The following LDHB variants were observed in gnomAD, a reference collection of about 807,000 sequenced individuals.
LDHB encodes the protein L-lactate dehydrogenase B chain.
A neutral mutation model predicts 33.4 loss-of-function variants in LDHB; 18 were observed. The observed-to-expected ratio is 0.54, with a 90% CI of 0.37 to 0.80. LDHB has a LOEUF of 0.80. Ranked by LOEUF, LDHB falls within the 30% of genes least tolerant of loss-of-function variation. The probability of loss-of-function intolerance (pLI) is 0.00; values close to 1 mark genes in which losing one functional copy is unlikely to be tolerated. For missense variants in LDHB, 345 were observed against 407.9 expected (o/e 0.85, Z 1.33); for synonymous variants, 121 against 140.6 (o/e 0.86, Z 0.98).
chr12:21,657,629 A>C (rs1160531529), intron 1 of LDHB, 122 bp downstream of exon 1: 2 of 152,428 alleles, frequency 1.3e-5, no homozygotes, highest in Non-Finnish European at 2.9e-5. Flanking sequence ...CTCAGAGCTA[A>C]AGGCCGCGGA....
chr12:21,638,475 TTAA>T lies in LDHB; in HGVS notation c.596-8_596-6del. 3 of 1,383,078 alleles carry T rather than the reference TTAA, an allele frequency of 2.2e-6. No individual in the cohort carries two copies. The highest frequency in any genetic ancestry group is 1.9e-6 in the Non-Finnish European group (2 of 1,031,350). The allele number at this position is 1,383,078 out of a possible 1,614,324, so 85.7% of individuals were successfully genotyped here. ...TCACACCACTCCACACAGCCACTGT[TTAA>T]AAAAAAAAAAAAAGACATTGCAGTT... On this transcript the variant is annotated splice_region_variant and splice_polypyrimidine_tract_variant and intron_variant, in intron 5 of 7. Transcript: ENST00000350669.
At chr12:21,645,608 T>C (rs1591831557) in intron 3 of LDHB, among the ~76,000 whole-genome samples, 1 of 152,224 alleles carries the variant, frequency 6.6e-6, no homozygotes, top group Non-Finnish European at 1.5e-5. Flanking sequence ...TTTATGTATA[T>C]GCACATCAAA....
intron 1 of LDHB, chr12:21,657,377 C>G (rs553299046): frequency 4.6e-5 from 7 of 152,320 alleles, no homozygotes; most frequent in Non-Finnish European, 8.8e-5. Flanking sequence ...TCATAGGCCA[C>G]CTGGTTCCGT....
At chr12:21,646,073 T>C (rs760850657) in intron 3 of LDHB, among the ~76,000 whole-genome samples, 10 of 152,100 alleles carry the variant, frequency 6.6e-5, no homozygotes, top group Non-Finnish European at 1.3e-4. Flanking sequence ...GATACTTGAG[T>C]TTAACCTTAA....
chr12:21,644,445 AC>A lies in LDHB; in HGVS notation c.248-338del, dbSNP rs1376174857. Among the ~76,000 whole-genome samples, 384 of 112,476 alleles carry A rather than the reference AC, an allele frequency of 3.4e-3. 7 individuals carry two copies. The highest frequency in any genetic ancestry group is 0.01 in the African/African-American group (284 of 28,088). The allele number at this position is 112,476 out of a possible 152,430, so 73.8% of individuals were successfully genotyped here. The stretch of plus-strand genomic sequence containing the variant: ...ACATCAAAAAAAAAAAAAAAAAAAA[AC>A]AAAAACAAAAACCAATTTTAAGTTA... On this transcript the variant is annotated intron_variant, in intron 3 of 7. Coordinates refer to ENST00000350669, the MANE Select transcript of LDHB (RefSeq NM_002300.8).
At chr12:21,650,993 T>C (rs930482490) in intron 2 of LDHB, among the ~76,000 whole-genome samples, 2 of 152,244 alleles carry the variant, frequency 1.3e-5, no homozygotes, top group African/African-American at 4.8e-5. Context: ...TGAAAAGGCA[T>C]GCATTTGCAG....
chr12:21,646,493 C>T (rs1938530611), intron 3 of LDHB, among the ~76,000 whole-genome samples: 1 of 152,064 alleles, frequency 6.6e-6, no homozygotes, highest in Non-Finnish European at 1.5e-5. Flanking sequence ...ATAGAAGAAA[C>T]GTGGTAAAAT....
chr12:21,648,445 C>T (rs962378174), intron 2 of LDHB, among the ~76,000 whole-genome samples: 37 of 151,938 alleles, frequency 2.4e-4, no homozygotes, highest in African/African-American at 8.7e-4. Flanking sequence ...AAAAAAAAAT[C>T]TGCCTGTAAG....
At chr12:21,636,743 G>C (rs1938228352) in intron 7 of LDHB, among the ~76,000 whole-genome samples, 2 of 152,076 alleles carry the variant, frequency 1.3e-5, no homozygotes, top group African/African-American at 4.8e-5. Context: ...AGGCAATCTA[G>C]AGTTTAGTAC....
intron 1 of LDHB, chr12:21,657,075 A>G (rs1938870856): frequency 6.6e-6 from 1 of 152,110 alleles, no homozygotes. Context: ...GGGCATGCAG[A>G]AGCTAGAGAT....
Position 21,638,463 on chromosome 12 carries a change from C to A in LDHB, c.603G>T (p.Val201=). The A allele has an allele frequency of 6.5e-7, 1 of 1,536,040 alleles. No homozygotes were observed. Among genetic ancestry groups the A allele is most frequent in the Non-Finnish European group, 8.8e-7 (1 of 1,132,046 alleles). The change falls in exon 6 of 8, where the codon GTG becomes GTT. Residue 201 remains valine (V), a synonymous_variant. Coordinates refer to ENST00000350669, the MANE Select transcript of LDHB (RefSeq NM_002300.8). ...CACCTGCCACATTCACACCACTCCA[C>A]ACAGCCACTGTTTAAAAAAAAAAAA... ...LGEHGDSSVA[V]WSGVNVAGVS... is the part of the protein sequence containing the mutation.
intron 1 of LDHB, among the ~76,000 whole-genome samples, chr12:21,655,046 A>T (rs1299126923): frequency 3.3e-5 from 5 of 152,170 alleles, no homozygotes; most frequent in Non-Finnish European, 5.9e-5. Flanking sequence ...ACTTGAACCC[A>T]GGAAGTGGAG....
intron 1 of LDHB, 109 bp downstream of exon 1, chr12:21,657,642 A>G (rs970413975): frequency 6.6e-6 from 1 of 152,408 alleles, no homozygotes; most frequent in African/African-American, 2.4e-5. Context: ...GCCGCGGAGG[A>G]CAGATGTGCT....
At chr12:21,644,828 T>C (rs1156961912) in intron 3 of LDHB, among the ~76,000 whole-genome samples, 1 of 152,184 alleles carries the variant, frequency 6.6e-6, no homozygotes, top group African/African-American at 2.4e-5. Context: ...GTTGCAAAGA[T>C]GAAGTCAGAT....
intron 5 of LDHB, among the ~76,000 whole-genome samples, chr12:21,641,724 G>A (rs955607970): frequency 2.0e-5 from 3 of 151,950 alleles, no homozygotes; most frequent in African/African-American, 7.3e-5. Context: ...AAAAGGTGAG[G>A]GAATTGATTT....
chr12:21,636,810 G>A (rs1255473512), intron 7 of LDHB, among the ~76,000 whole-genome samples: 1 of 152,032 alleles, frequency 6.6e-6, no homozygotes, highest in Admixed American at 6.6e-5. Context: ...CTTTAAGAAT[G>A]TGCTAAGATT....
chr12:21,641,934 TC>T lies in LDHB; in HGVS notation c.595+17del. The T allele has an allele frequency of 1.3e-6, 2 of 1,590,598 alleles. No homozygotes were observed. Among genetic ancestry groups the T allele is most frequent in the African/African-American group, 1.3e-5 (1 of 74,100 alleles). On this transcript the variant is annotated intron_variant, in intron 5 of 7. Coordinates refer to ENST00000350669, the MANE Select transcript of LDHB (RefSeq NM_002300.8). ...AAAACCAACATCACAAGTAATTATTTCTTTTTTTTTTCTTTACCACTTGAGT... is the reference window on the plus strand; with the variant it reads ...AAAACCAACATCACAAGTAATTATTTTTTTTTTTTTCTTTACCACTTGAGT...
intron 2 of LDHB, among the ~76,000 whole-genome samples, chr12:21,650,847 G>A (rs1355981469): frequency 6.6e-6 from 1 of 152,176 alleles, no homozygotes; most frequent in Non-Finnish European, 1.5e-5. Flanking sequence ...ATATCAGGAA[G>A]GAAATAGGAA....
In LDHB at chr12:21,654,594, T is replaced by C. The variant is rs762851769; in HGVS notation, c.78A>G (p.Val26=). 4 of 1,614,080 alleles carry C rather than the reference T, an allele frequency of 2.5e-6. No homozygotes were observed. Among genetic ancestry groups the C allele is most frequent in the South Asian group, 2.2e-5 (2 of 91,086 alleles). ...EATVPNNKIT[V]VGVGQVGMAC... ...CCATACCAACTTGTCCAACACCCAC[T>C]ACAGTGATCTTATTGTTTGGAACTG... Residue 26 remains valine, a synonymous_variant, in exon 2 of 8, where the codon GTA becomes GTG. Coordinates refer to ENST00000350669, the MANE Select transcript of LDHB (RefSeq NM_002300.8).
Sources: allele counts gnomAD v4.1 joint callset (sites outside exome capture counted in the v4.1 genomes callset), GRCh38; gene constraint gnomAD v4.1.1; transcripts MANE v1.5; gene names NCBI Gene and HGNC (gene_info 2026-07-23, HGNC 2026-07-21).